COL15A1: variants seen among roughly 807,000 people sequenced by gnomAD.
The protein encoded by COL15A1 is collagen type XV alpha 1 chain, also known as collagen alpha-1(XV) chain.
Under a neutral mutation model 165.9 loss-of-function variants are expected in COL15A1, and 111 were observed. The observed-to-expected ratio is 0.67, with a 90% confidence interval of 0.57 to 0.78. The LOEUF (loss-of-function observed/expected upper bound fraction) is 0.78. Among genes scored for constraint, COL15A1 ranks in the 30% least tolerant of loss-of-function variants. The probability of loss-of-function intolerance (pLI) is 0.00; values close to 1 mark genes in which losing one functional copy is unlikely to be tolerated. For missense variants in COL15A1, 1,745 were observed against 1,789.7 expected (o/e 0.98, Z 0.45); for synonymous variants, 659 against 674.8 (o/e 0.98, Z 0.36).
chr9:99,024,756 G>A, intron 14 of COL15A1, 118 bp from the exon 15 acceptor site: 3 of 1,224,608 alleles, frequency 2.4e-6, no homozygotes, highest in Non-Finnish European at 3.4e-6. Flanking sequence ...TGCTAAGTGG[G>A]ATCACCAAAC....
chr9:98,954,332 C>T (rs747086246), intron 2 of COL15A1, among the ~76,000 whole-genome samples: 14 of 152,034 alleles, frequency 9.2e-5, no homozygotes, highest in Non-Finnish European at 1.5e-4. Context: ...CAAAGATAAA[C>T]CCTGCTAGCA....
chr9:98,959,151 G>A lies in COL15A1; in HGVS notation c.100+14901G>A, dbSNP rs542775634. On this transcript the variant is annotated intron_variant, in intron 2 of 41. Transcript: ENST00000375001. ...CACATCTGTAATCTCAGCACTTCAG[G>A]AAGCCGAGGTGGGAGGATCTCTTGA... 2.7e-5 allele frequency among the ~76,000 whole-genome samples: 4 copies of A among 146,292 alleles called. No homozygotes were observed. The South Asian group carries it at 8.7e-4, about 32-fold the overall frequency.
At chr9:98,983,275 A>G (rs898658634) in intron 2 of COL15A1, among the ~76,000 whole-genome samples, 2 of 152,126 alleles carry the variant, frequency 1.3e-5, no homozygotes, top group African/African-American at 4.8e-5. Flanking sequence ...ATTCATGGGA[A>G]GTTTGAGTTC....
At chr9:99,024,838 C>G in intron 14 of COL15A1, 36 bp from the exon 15 acceptor site, 1 of 1,598,744 alleles carries the variant, frequency 6.3e-7, no homozygotes, top group Non-Finnish European at 8.5e-7. Context: ...ATTCGGTATT[C>G]CCCCACTGTT....
At chr9:98,945,506 T>C (rs1837565936) in intron 2 of COL15A1, among the ~76,000 whole-genome samples, 1 of 149,710 alleles carries the variant, frequency 6.7e-6, no homozygotes, top group African/African-American at 2.4e-5. Flanking sequence ...ACAGAAAGTC[T>C]AGGAAACAAC....
chr9:99,051,693 C>T (rs1156840563), intron 30 of COL15A1, among the ~76,000 whole-genome samples: 2 of 152,212 alleles, frequency 1.3e-5, no homozygotes, highest in Non-Finnish European at 2.9e-5. Flanking sequence ...GACCCTCCAC[C>T]CGTAAGCACA....
At chr9:98,987,622 C>T (rs1233950994) in intron 4 of COL15A1, among the ~76,000 whole-genome samples, 4 of 152,220 alleles carry the variant, frequency 2.6e-5, no homozygotes, top group Non-Finnish European at 4.4e-5. Flanking sequence ...CCTGCTTTCC[C>T]GCCTTCTTGC....
At position 99,069,831 on chromosome 9, in the gene COL15A1, A is replaced by AT. The variant is rs1825956293; in HGVS notation, c.4113dup (p.Arg1372SerfsTer16). The AT allele has an allele frequency of 5.6e-6, 9 of 1,614,210 alleles. No individual in the cohort carries two copies. The highest frequency in any genetic ancestry group is 6.8e-6 in the Non-Finnish European group (8 of 1,180,000). On this transcript the variant is annotated frameshift_variant, in exon 42 of 42. Coordinates refer to ENST00000375001, the MANE Select transcript of COL15A1 (RefSeq NM_001855.5). LOFTEE classifies it high-confidence loss of function. ...GACCAGAAAGCATACAGCTGTGCTAATCGGCTAATTGTCCTATGTATCGAA... is the reference window on the plus strand; with the variant it reads ...GACCAGAAAGCATACAGCTGTGCTAATTCGGCTAATTGTCCTATGTATCGAA...
intron 2 of COL15A1, among the ~76,000 whole-genome samples, chr9:98,949,600 G>A (rs1837645784): frequency 2.6e-5 from 4 of 152,122 alleles, no homozygotes. Context: ...TCTTACTGTA[G>A]CCTTAATTTC....
At chr9:99,009,763 A>G (rs947797695) in intron 9 of COL15A1, among the ~76,000 whole-genome samples, 2 of 152,214 alleles carry the variant, frequency 1.3e-5, no homozygotes, top group African/African-American at 4.8e-5. Flanking sequence ...TAAAAACAAC[A>G]GGAGGCCAAT....
chr9:98,986,878 G>C (rs545555928), intron 3 of COL15A1, among the ~76,000 whole-genome samples: 3 of 152,264 alleles, frequency 2.0e-5, no homozygotes, highest in Admixed American at 2.0e-4. Flanking sequence ...GAGGGGAGGA[G>C]AGTGGAGGCA....
intron 2 of COL15A1, among the ~76,000 whole-genome samples, chr9:98,952,177 T>TA (rs1418489489): frequency 6.6e-6 from 1 of 152,190 alleles, no homozygotes; most frequent in African/African-American, 2.4e-5. Context: ...GGGGTTAGTC[T>TA]AGCCTGTGGT....
chr9:98,960,865 T>C (rs1837854334), intron 2 of COL15A1, among the ~76,000 whole-genome samples: 1 of 152,208 alleles, frequency 6.6e-6, no homozygotes, highest in Non-Finnish European at 1.5e-5. Context: ...TCAGCATTGC[T>C]TGTATTGGGT....
Position 99,020,370 on chromosome 9 carries a change from C to T in COL15A1, c.1648-19C>T. On this transcript the variant is annotated intron_variant, in intron 11 of 41. Coordinates refer to ENST00000375001, the MANE Select transcript of COL15A1 (RefSeq NM_001855.5). Reference sequence around the variant, plus strand: ...CAAATATGTTGTGGCCACGTTTTAACCAAATCTTCTTCTTTTAGGCTCAAA... The same window carrying T: ...CAAATATGTTGTGGCCACGTTTTAATCAAATCTTCTTCTTTTAGGCTCAAA... The T allele has an allele frequency of 1.9e-6, 3 of 1,606,234 alleles. No homozygotes were observed. The African/African-American group carries it at 4.0e-5, about 21-fold the overall frequency.
At position 99,060,089 on chromosome 9, in the gene COL15A1, A is replaced by G. The variant is rs140444263; in HGVS notation, c.3402+136A>G. On this transcript the variant is annotated intron_variant, in intron 36 of 41. Coordinates refer to ENST00000375001, the MANE Select transcript of COL15A1 (RefSeq NM_001855.5). Reference sequence around the variant, plus strand: ...TAGTAGGCTTGGTGCAATTCCATAAATAGTAGAAGGGATTTGTTATCTATT... The same window carrying G: ...TAGTAGGCTTGGTGCAATTCCATAAGTAGTAGAAGGGATTTGTTATCTATT... 3.2e-4 allele frequency: 285 copies of G among 883,562 alleles called. 1 individual carries two copies. In the African/African-American group the frequency reaches 3.5e-3, roughly 11 times the overall value. The allele number at this position is 883,562 out of a possible 1,614,324, so 54.7% of individuals were successfully genotyped here. A position where few individuals can be genotyped will look rare whatever the true frequency, so the allele number is the denominator to read the frequency against.
rs1373934520 is a variant in COL15A1, at chr9:98,997,081, G to A, written c.952G>A (p.Gly318Arg). 6.2e-7 allele frequency: 1 copy of A among 1,614,124 alleles called. No homozygotes were observed. The highest frequency in any genetic ancestry group is 1.7e-5 in the Admixed American group (1 of 60,020). The change falls in exon 6 of 42, where the codon GGG becomes AGG. Residue 318 changes from glycine to arginine, a missense_variant and splice_region_variant. Physicochemically the swap from Gly to Arg is moderately radical, Grantham distance 125. Transcript: ENST00000375001. The part of the protein sequence containing the change: ...SIIQHSSPKQ[G>R]SGEILNDTLE... Reference sequence around the variant, plus strand: ...CATCCAGCACAGCAGCCCCAAACAAGGCAAGTCCGGATGCACATGCCTACG... The same window carrying A: ...CATCCAGCACAGCAGCCCCAAACAAAGCAAGTCCGGATGCACATGCCTACG...
At chr9:98,967,382 C>G (rs2118825435) in intron 2 of COL15A1, among the ~76,000 whole-genome samples, 1 of 152,364 alleles carries the variant, frequency 6.6e-6, no homozygotes, top group South Asian at 2.1e-4. Flanking sequence ...AGAACCCTCT[C>G]CTGACAGGCC....
chr9:98,979,539 A>G (rs1838198978), intron 2 of COL15A1, among the ~76,000 whole-genome samples: 1 of 152,096 alleles, frequency 6.6e-6, no homozygotes, highest in Admixed American at 6.5e-5. Context: ...TCTTTTGGGT[A>G]TTCATTTACT....
chr9:98,997,518 A>G (rs968292594), intron 6 of COL15A1, among the ~76,000 whole-genome samples: 3 of 152,238 alleles, frequency 2.0e-5, no homozygotes, highest in Non-Finnish European at 4.4e-5. Context: ...ATAGGTGGAA[A>G]AACCAACACT....
Sources: allele counts gnomAD v4.1 joint callset (sites outside exome capture counted in the v4.1 genomes callset), GRCh38; gene constraint gnomAD v4.1.1; transcripts MANE v1.5; gene names NCBI Gene and HGNC (gene_info 2026-07-23, HGNC 2026-07-21).